MTFR1: variants seen among roughly 807,000 people sequenced by gnomAD.
MTFR1 encodes the protein chondrocyte protein with a poly-proline region.
A neutral mutation model predicts 38.8 loss-of-function variants in MTFR1; 28 were observed. That is an observed-to-expected ratio of 0.72 (90% CI 0.53 to 0.99). The LOEUF (loss-of-function observed/expected upper bound fraction) is 0.99, where lower values mean the gene tolerates loss of function less well. MTFR1 is among the 50% of genes least tolerant of loss of function. The pLI, the probability that MTFR1 is intolerant of heterozygous loss-of-function variation, is 0.00. For missense variants in MTFR1, 358 were observed against 395.5 expected (o/e 0.91, Z 0.81); for synonymous variants, 145 against 137.0 (o/e 1.06, Z -0.41).
At chr8:65,680,643 G>A (rs1031153764) in intron 2 of MTFR1, among the ~76,000 whole-genome samples, 1 of 152,100 alleles carries the variant, frequency 6.6e-6, no homozygotes, top group Non-Finnish European at 1.5e-5. Flanking sequence ...TGGTTATGCT[G>A]TTTGTTTATA....
At chr8:65,739,358 TA>T in intron 3 of MTFR1, 1 of 926,546 alleles carries the variant, frequency 1.1e-6, no homozygotes, top group African/African-American at 1.7e-5. Flanking sequence ...ATGCAAGAGC[TA>T]AATAACTGTG....
chr8:65,775,018 A>T (rs1223551637), downstream of MTFR1, among the ~76,000 whole-genome samples: 1 of 152,232 alleles, frequency 6.6e-6, no homozygotes, highest in African/African-American at 2.4e-5. Context: ...TTCTACATTC[A>T]GTTCTGATAA....
At chr8:65,666,702 C>T (rs1395495484) in intron 1 of MTFR1, among the ~76,000 whole-genome samples, 3 of 151,998 alleles carry the variant, frequency 2.0e-5, no homozygotes, top group Non-Finnish European at 2.9e-5. Context: ...CTGATAATCC[C>T]GGGTACATAA....
At chr8:65,760,773 T>C (rs1422865315) in intron 3 of MTFR1, among the ~76,000 whole-genome samples, 2 of 152,160 alleles carry the variant, frequency 1.3e-5, no homozygotes, top group Admixed American at 1.3e-4. Flanking sequence ...CCTAGACTCC[T>C]ATTATGGGGA....
intron 3 of MTFR1, chr8:65,719,627 G>C: frequency 1.5e-6 from 1 of 648,302 alleles, no homozygotes; most frequent in Non-Finnish European, 2.7e-6. Flanking sequence ...AAAGATTCCT[G>C]TGTATGTGTA....
intron 1 of MTFR1, among the ~76,000 whole-genome samples, chr8:65,646,431 C>G (rs1247611279): frequency 6.6e-5 from 10 of 151,234 alleles, no homozygotes; most frequent in Admixed American, 6.6e-4. Context: ...TCTGTTAAGC[C>G]ACAAATCAGT....
intron 1 of MTFR1, among the ~76,000 whole-genome samples, chr8:65,660,187 A>G (rs578032956): frequency 1.5e-4 from 22 of 149,518 alleles, no homozygotes; most frequent in African/African-American, 4.9e-4. Flanking sequence ...GCTACTTGGG[A>G]GGCTGAGGCA....
At chr8:65,759,074 A>G (rs1311719529) in intron 3 of MTFR1, among the ~76,000 whole-genome samples, 2 of 152,186 alleles carry the variant, frequency 1.3e-5, no homozygotes, top group Non-Finnish European at 2.9e-5. Context: ...CACTCATTCC[A>G]TGGACCTCAG....
intron 4 of MTFR1, among the ~76,000 whole-genome samples, chr8:65,703,155 A>T (rs1805665335): frequency 6.6e-6 from 1 of 151,488 alleles, no homozygotes; most frequent in Non-Finnish European, 1.5e-5. Context: ...ACACTTTGGG[A>T]GGCTTGAGGC....
chr8:65,643,983 G>A (rs541795349), upstream of MTFR1, among the ~76,000 whole-genome samples: 4 of 152,210 alleles, frequency 2.6e-5, no homozygotes, highest in South Asian at 8.3e-4. Context: ...GAGGGTAAGA[G>A]AGACAGCCAA....
At chr8:65,656,402 T>C (rs1465649224) in intron 1 of MTFR1, among the ~76,000 whole-genome samples, 1 of 151,942 alleles carries the variant, frequency 6.6e-6, no homozygotes, top group Non-Finnish European at 1.5e-5. Context: ...GGTGCACTCA[T>C]AGCTCACTGT....
At chr8:65,745,836 A>G (rs1266957710) in intron 3 of MTFR1, among the ~76,000 whole-genome samples, 12 of 152,238 alleles carry the variant, frequency 7.9e-5, no homozygotes, top group Admixed American at 7.9e-4. Context: ...TCTAATAAAA[A>G]TAAGTGACAC....
chr8:65,710,943 C>G (rs770093712), downstream of MTFR1, among the ~76,000 whole-genome samples: 3 of 151,268 alleles, frequency 2.0e-5, no homozygotes, highest in Non-Finnish European at 4.4e-5. Context: ...AACTAACTTT[C>G]CTATGTTTTG....
At chr8:65,703,420 T>G (rs13251416) in intron 4 of MTFR1, among the ~76,000 whole-genome samples, 3 of 28,450 alleles carry the variant, frequency 1.1e-4, no homozygotes, top group Admixed American at 9.4e-4. Flanking sequence ...ATGTCTCTGG[T>G]TTTTTTTTTT....
rs142337219 is a variant in MTFR1, at chr8:65,736,553, G to T, written c.*48+17072G>T. ...GGATTGCTTGAGGCCAGGAGTTTGA[G>T]ACCAGCCTAGGCCATTAGCAAGACC... is the stretch of plus-strand genomic sequence containing the variant. On this transcript the variant is annotated intron_variant, in intron 3 of 3. Coordinates refer to the MTFR1 transcript ENST00000521247. Among the ~76,000 whole-genome samples, 1,205 of 152,182 alleles carry T rather than the reference G, an allele frequency of 7.9e-3. 14 individuals are homozygous for T. Among genetic ancestry groups the T allele is most frequent in the African/African-American group, 0.026 (1,094 of 41,496 alleles).
At position 65,695,574 on chromosome 8, in the gene MTFR1, C is replaced by A. The variant is rs557212414; in HGVS notation, c.281+1815C>A. ...GTTTCACCACGTTGGCCAGGCTGGT[C>A]TTGAACTCCTGACCCCAGGTGATCC... On this transcript the variant is annotated intron_variant, in intron 4 of 7. Coordinates refer to ENST00000262146, the MANE Select transcript of MTFR1 (RefSeq NM_014637.4). Among the ~76,000 whole-genome samples the A allele has an allele frequency of 3.9e-5, 6 of 152,278 alleles. No homozygotes were observed. The East Asian group carries it at 1.2e-3, about 29-fold the overall frequency.
At chr8:65,679,437 C>T (rs1322262044) in intron 2 of MTFR1, 2 of 152,188 alleles carry the variant, frequency 1.3e-5, no homozygotes, top group Non-Finnish European at 2.9e-5. Context: ...GAAACCCCGT[C>T]TCTACTAAAA....
At chr8:65,675,579 A>G (rs1804689054) in intron 2 of MTFR1, among the ~76,000 whole-genome samples, 1 of 152,262 alleles carries the variant, frequency 6.6e-6, no homozygotes, top group Non-Finnish European at 1.5e-5. Context: ...AGCCTGGGCA[A>G]CAGCAAGACT....
intron 3 of MTFR1, chr8:65,725,205 TA>T (rs986341682): frequency 2.3e-3 from 484 of 207,030 alleles, no homozygotes; most frequent in East Asian, 3.8e-3. Flanking sequence ...TTATTTGCTT[TA>T]AAAAAAAAAT....
Sources: gnomAD v4.1 joint callset for allele counts (sites outside exome capture counted in the v4.1 genomes callset) on GRCh38, gnomAD v4.1.1 for gene constraint, MANE v1.5 for transcripts, NCBI Gene and HGNC (gene_info 2026-07-23, HGNC 2026-07-21) for gene names.